Variants in POLDIP3 observed in about 807,000 individuals in gnomAD.
POLDIP3 encodes the protein polymerase delta-interacting protein 3.
POLDIP3 carries 14 observed loss-of-function variants against 45.1 expected under a neutral mutation model. The ratio of observed to expected loss-of-function variants is 0.31; its 90% CI spans 0.20 to 0.49. The LOEUF (loss-of-function observed/expected upper bound fraction) is 0.49, where lower values mean the gene tolerates loss of function less well. Ranked by LOEUF, POLDIP3 falls within the 20% of genes least tolerant of loss-of-function variation. The pLI is 0.99. For synonymous variants in POLDIP3, 223 were observed against 205.2 expected (o/e 1.09, Z -0.74); for missense variants, 511 against 538.8 (o/e 0.95, Z 0.51).
At chr22:42,587,112 CA>C (rs1925359533) in intron 8 of POLDIP3, among the ~76,000 whole-genome samples, 1 of 151,956 alleles carries the variant, frequency 6.6e-6, no homozygotes, top group Admixed American at 6.6e-5. Context: ...AACAAACAAA[CA>C]AACAAAAAAC....
chr22:42,600,561 G>A (rs904086222), intron 3 of POLDIP3, among the ~76,000 whole-genome samples: 3 of 152,054 alleles, frequency 2.0e-5, no homozygotes, highest in Non-Finnish European at 2.9e-5. Context: ...GGGAGGCGGA[G>A]CTTGCAGTGA....
At chr22:42,598,260 T>C (rs554805312) in intron 4 of POLDIP3, among the ~76,000 whole-genome samples, 1 of 149,258 alleles carries the variant, frequency 6.7e-6, no homozygotes, top group Non-Finnish European at 1.5e-5. Flanking sequence ...TTTTTTTTTT[T>C]TTTTTTTTTG....
At chr22:42,607,934 G>A (rs1358829351) in intron 1 of POLDIP3, among the ~76,000 whole-genome samples, 1 of 150,996 alleles carries the variant, frequency 6.6e-6, no homozygotes, top group African/African-American at 2.4e-5. Context: ...CTGGGAGGGA[G>A]GTGGGGGGCA....
chr22:42,610,801 T>C (rs1182989901), intron 1 of POLDIP3, among the ~76,000 whole-genome samples: 1 of 151,948 alleles, frequency 6.6e-6, no homozygotes, highest in East Asian at 1.9e-4. Context: ...AGCTACCTGG[T>C]AGGCTGAGGC....
rs1424361939 is a variant in POLDIP3, at chr22:42,602,065, A to G, written c.451-9T>C. 1 of 1,613,994 alleles carries G rather than the reference A, an allele frequency of 6.2e-7. No individual in the cohort carries two copies. Among genetic ancestry groups the G allele is most frequent in the East Asian group, 2.2e-5 (1 of 44,884 alleles). ...GCTTTCTGCTGTGGAACCTGGAAAC[A>G]CTCAGTGGTCAGAATCCACCCCACA... On this transcript the variant is annotated splice_polypyrimidine_tract_variant and intron_variant, in intron 2 of 8. Transcript: ENST00000252115.
At chr22:42,594,492 C>CA (rs1227133863) in intron 6 of POLDIP3, among the ~76,000 whole-genome samples, 4 of 152,276 alleles carry the variant, frequency 2.6e-5, no homozygotes, top group East Asian at 3.9e-4. Context: ...GCTTGGGTGA[C>CA]AGAGTGAGAC....
intron 4 of POLDIP3, chr22:42,597,780 C>CTTTT (rs137103): frequency 6.1e-4 from 238 of 391,878 alleles, no homozygotes; most frequent in East Asian, 7.4e-4. Context: ...TTCACGACCT[C>CTTTT]TTTTTTTTTT....
At chr22:42,597,232 G>A (rs915904183) in intron 4 of POLDIP3, among the ~76,000 whole-genome samples, 3 of 152,232 alleles carry the variant, frequency 2.0e-5, no homozygotes, top group Admixed American at 6.5e-5. Context: ...GCATAAAGCA[G>A]AAGTGACGGG....
At chr22:42,609,487 C>A (rs1926986168) in intron 1 of POLDIP3, among the ~76,000 whole-genome samples, 1 of 152,210 alleles carries the variant, frequency 6.6e-6, no homozygotes, top group South Asian at 2.1e-4. Context: ...TCTGTCTGGG[C>A]TATAGGAATA....
At chr22:42,590,618 A>C (rs542932748) in intron 7 of POLDIP3, among the ~76,000 whole-genome samples, 2 of 152,380 alleles carry the variant, frequency 1.3e-5, no homozygotes, top group East Asian at 3.9e-4. Flanking sequence ...TTAACCAAAA[A>C]GTCCTTATAC....
intron 7 of POLDIP3, among the ~76,000 whole-genome samples, chr22:42,588,889 G>C (rs564113913): frequency 2.6e-5 from 4 of 152,182 alleles, no homozygotes; most frequent in African/African-American, 9.6e-5. Flanking sequence ...TTACAGGAGT[G>C]AGCCATTGTG....
chr22:42,614,875 G>C lies in POLDIP3; in HGVS notation c.-18C>G. 1 of 1,613,778 alleles carries C rather than the reference G, an allele frequency of 6.2e-7. No homozygotes were observed. The highest frequency in any genetic ancestry group is 8.5e-7 in the Non-Finnish European group (1 of 1,179,906). On this transcript the variant is annotated 5_prime_UTR_variant, in exon 1 of 9. Transcript: ENST00000252115. ...TCCGCCATCTTGCTCCGCCGAGCAA[G>C]CCGAAAGCAGTCGAGACCCCGCGAG... is the stretch of plus-strand genomic sequence containing the variant.
chr22:42,599,157 C>T (rs998041896), intron 4 of POLDIP3, among the ~76,000 whole-genome samples: 1 of 152,234 alleles, frequency 6.6e-6, no homozygotes, highest in Non-Finnish European at 1.5e-5. Flanking sequence ...AAACACAGCA[C>T]CTAGGAGCTG....
chr22:42,614,698 CGCA>C, intron 1 of POLDIP3, 98 bp downstream of exon 1: 1 of 1,322,760 alleles, frequency 7.6e-7, no homozygotes. Flanking sequence ...CGGGGGCGGG[CGCA>C]CCCGGTCCTC....
intron 2 of POLDIP3, 184 bp from the exon 3 acceptor site, chr22:42,602,240 G>A (rs758857388): frequency 2.9e-5 from 28 of 953,760 alleles, no homozygotes; most frequent in South Asian, 5.3e-5. Flanking sequence ...AGACCATGCC[G>A]GTAACGCACA....
chr22:42,588,598 A>ACT (rs750598243), intron 7 of POLDIP3, among the ~76,000 whole-genome samples: 25 of 150,490 alleles, frequency 1.7e-4, no homozygotes, highest in Non-Finnish European at 3.0e-4. Flanking sequence ...CTAACTATAC[A>ACT]CTCTCTATAG....
At chr22:42,607,498 T>C (rs1926814383) in intron 1 of POLDIP3, among the ~76,000 whole-genome samples, 1 of 152,234 alleles carries the variant, frequency 6.6e-6, no homozygotes, top group Admixed American at 6.5e-5. Context: ...CCTCCCAAAG[T>C]GCCGAGATTG....
intron 4 of POLDIP3, chr22:42,597,654 A>G (rs1362581092): frequency 2.2e-6 from 1 of 458,304 alleles, no homozygotes; most frequent in South Asian, 1.6e-5. Context: ...TAGGGTATCA[A>G]ATAGGGATAG....
chr22:42,607,322 G>A (rs577795323), intron 1 of POLDIP3, among the ~76,000 whole-genome samples: 189 of 152,342 alleles, frequency 1.2e-3, no homozygotes, highest in African/African-American at 4.4e-3. Flanking sequence ...TGTGTTGGCC[G>A]GGCTGGTCTC....
Sources: allele counts gnomAD v4.1 joint callset (sites outside exome capture counted in the v4.1 genomes callset), GRCh38; gene constraint gnomAD v4.1.1; transcripts MANE v1.5; gene names NCBI Gene and HGNC (gene_info 2026-07-23, HGNC 2026-07-21).